Variants in IL19 observed in about 807,000 individuals in gnomAD.
IL19 encodes interleukin 19, also known as interleukin-19.
Under a neutral mutation model 19.5 loss-of-function variants are expected in IL19, and 15 were observed. That is an observed-to-expected ratio of 0.77 (90% confidence interval 0.52 to 1.19). The LOEUF (loss-of-function observed/expected upper bound fraction) is 1.19. Among genes scored for constraint, IL19 ranks in the 50% most tolerant of loss-of-function variants. IL19 has a pLI of 0.00. For synonymous variants in IL19, 78 were observed against 78.3 expected, an observed-to-expected ratio of 1.00 and a Z score of 0.02; for missense variants, 199 against 213.1, an observed-to-expected ratio of 0.93 and a Z score of 0.41.
intron 1 of IL19, 84 bp from the exon 2 acceptor site, chr1:206,798,777 A>C (rs945010764): frequency 1.5e-6 from 1 of 675,520 alleles, no homozygotes. Context: ...CCGTGTGTGC[A>C]CTTTTGCCGA....
chr1:206,795,149 T>C (rs1675493804), intron 1 of IL19, among the ~76,000 whole-genome samples: 1 of 152,108 alleles, frequency 6.6e-6, no homozygotes, highest in Non-Finnish European at 1.5e-5. Flanking sequence ...AGCTGGAGAA[T>C]TGGGAAGTAC....
intron 1 of IL19, among the ~76,000 whole-genome samples, chr1:206,780,972 G>A (rs764213598): frequency 6.6e-6 from 1 of 152,210 alleles, no homozygotes; most frequent in Non-Finnish European, 1.5e-5. Flanking sequence ...GAATGATAGT[G>A]AGGGTGGCTT....
intron 2 of IL19, among the ~76,000 whole-genome samples, chr1:206,814,944 T>G (rs1407654843): frequency 1.3e-5 from 2 of 152,178 alleles, no homozygotes; most frequent in African/African-American, 4.8e-5. Flanking sequence ...TCTGAAACCT[T>G]AGAGACCTAA....
chr1:206,842,568 C>G lies in IL19; in HGVS notation c.480C>G (p.Leu160=). The part of the protein sequence containing the change: ...HAAAIKSLGE[L]DVFLAWINKN... ...CTGCCATTAAATCCCTGGGAGAGCTCGACGTCTTTCTAGCCTGGATTAATA... is the reference window on the plus strand; with the variant it reads ...CTGCCATTAAATCCCTGGGAGAGCTGGACGTCTTTCTAGCCTGGATTAATA... Residue 160 remains leucine, a synonymous_variant, in exon 7 of 7, where the codon CTC becomes CTG. Coordinates refer to ENST00000659997, the MANE Select transcript of IL19 (RefSeq NM_153758.5). The G allele has an allele frequency of 1.3e-6, 2 of 1,576,952 alleles. No homozygotes were observed. Among genetic ancestry groups the G allele is most frequent in the Non-Finnish European group, 1.7e-6 (2 of 1,159,260 alleles).
At chr1:206,811,047 C>A (rs1675993992) in intron 2 of IL19, among the ~76,000 whole-genome samples, 1 of 152,192 alleles carries the variant, frequency 6.6e-6, no homozygotes, top group Non-Finnish European at 1.5e-5. Flanking sequence ...CCAAAATAAA[C>A]CTCTTTTCTT....
At chr1:206,809,093 T>G (rs1329310160) in intron 2 of IL19, among the ~76,000 whole-genome samples, 1 of 152,174 alleles carries the variant, frequency 6.6e-6, no homozygotes, top group African/African-American at 2.4e-5. Context: ...GATCATGATG[T>G]CCCTCAAAGC....
chr1:206,793,156 C>T lies in IL19; in HGVS notation c.-148-5705C>T, dbSNP rs566766700. Among the ~76,000 whole-genome samples the T allele has an allele frequency of 5.9e-5, 9 of 152,358 alleles. No individual in the cohort carries two copies. In the South Asian group the frequency reaches 1.9e-3, roughly 32 times the overall value. ...AATCCTCAGGGTTGGTCAGCCCCAT[C>T]CTCAGAGGTTTATACCTGGAGCTAA... On this transcript the variant is annotated intron_variant, in intron 1 of 6. Coordinates refer to ENST00000659997, the MANE Select transcript of IL19 (RefSeq NM_153758.5).
intron 1 of IL19, among the ~76,000 whole-genome samples, chr1:206,787,146 C>T (rs536287829): frequency 9.9e-5 from 15 of 152,194 alleles, no homozygotes; most frequent in Non-Finnish European, 1.3e-4. Flanking sequence ...TGCTCTCCCA[C>T]GTCCTTACTT....
intron 2 of IL19, among the ~76,000 whole-genome samples, chr1:206,824,634 C>T (rs1166638992): frequency 6.6e-6 from 1 of 152,106 alleles, no homozygotes; most frequent in Admixed American, 6.5e-5. Flanking sequence ...GATCACAGAG[C>T]TAGTAAGAGT....
intron 1 of IL19, among the ~76,000 whole-genome samples, chr1:206,796,941 A>G (rs1242261689): frequency 1.3e-5 from 2 of 152,146 alleles, no homozygotes; most frequent in African/African-American, 4.8e-5. Context: ...CCAGCCCAGG[A>G]CTACAGACTC....
intron 1 of IL19, among the ~76,000 whole-genome samples, chr1:206,792,701 C>T (rs142087617): frequency 2.0e-3 from 306 of 152,216 alleles, no homozygotes; most frequent in African/African-American, 7.0e-3. Flanking sequence ...ATGATCCACC[C>T]GCCTCAGCCT....
intron 6 of IL19, among the ~76,000 whole-genome samples, chr1:206,841,331 T>C (rs1677011359): frequency 6.6e-6 from 1 of 152,220 alleles, no homozygotes; most frequent in African/African-American, 2.4e-5. Context: ...CCTGTATGAT[T>C]TGGGGAAAGC....
intron 1 of IL19, among the ~76,000 whole-genome samples, chr1:206,774,090 T>C (rs1572541189): frequency 6.6e-6 from 1 of 152,174 alleles, no homozygotes; most frequent in African/African-American, 2.4e-5. Context: ...CTAGAGAAGG[T>C]CACTCACTGC....
In IL19 at chr1:206,789,795, T is replaced by C. The variant is rs1675350567; in HGVS notation, c.-148-9066T>C. On this transcript the variant is annotated intron_variant, in intron 1 of 6. Transcript: ENST00000659997. ...CTATGTGTCCATGTGTTCTCATCAATGAGCTCCGACTTACAAGTGAGAACA... is the reference window on the plus strand; with the variant it reads ...CTATGTGTCCATGTGTTCTCATCAACGAGCTCCGACTTACAAGTGAGAACA... Among the ~76,000 whole-genome samples the C allele has an allele frequency of 3.3e-5, 5 of 152,334 alleles. No homozygotes were observed. The South Asian group carries it at 1.0e-3, about 32-fold the overall frequency.
chr1:206,772,244 G>A (rs1674872969), intron 1 of IL19: 1 of 1,606,788 alleles, frequency 6.2e-7, no homozygotes, highest in Non-Finnish European at 8.5e-7. Flanking sequence ...CAGGAAGAGA[G>A]AAAGGACAGG....
At chr1:206,794,685 C>A (rs1314049328) in intron 1 of IL19, among the ~76,000 whole-genome samples, 1 of 152,100 alleles carries the variant, frequency 6.6e-6, no homozygotes, top group South Asian at 2.1e-4. Context: ...TTAGAAGAGA[C>A]CTGCGAGGTG....
At chr1:206,834,379 G>T (rs759985297) in intron 2 of IL19, 22 of 985,542 alleles carry the variant, frequency 2.2e-5, no homozygotes, top group Non-Finnish European at 2.7e-5. Flanking sequence ...ACAAGGAGCA[G>T]CCCGCAAGCA....
intron 1 of IL19, among the ~76,000 whole-genome samples, chr1:206,775,342 G>A (rs756760586): frequency 2.0e-5 from 3 of 152,158 alleles, no homozygotes; most frequent in Non-Finnish European, 2.9e-5. Flanking sequence ...ATGAGCCACT[G>A]TGCCCGGCCC....
rs113143150 is a variant in IL19 at position 206,784,252 on chromosome 1, A to G, written c.-149+13174A>G. Among the ~76,000 whole-genome samples the G allele has an allele frequency of 6.7e-3, 1,015 of 152,198 alleles. 8 individuals are homozygous for G. Among genetic ancestry groups the G allele is most frequent in the African/African-American group, 0.023 (975 of 41,504 alleles). On this transcript the variant is annotated intron_variant, in intron 1 of 6. Transcript: ENST00000659997. ...AAGGGCTTGCCAGAGTTGTTTTTCT[A>G]AGAAGATTTCCAAAGCTAATGCCCT... is the stretch of plus-strand genomic sequence containing the variant.
Sources: gnomAD v4.1 joint callset for allele counts (sites outside exome capture counted in the v4.1 genomes callset) on GRCh38, gnomAD v4.1.1 for gene constraint, MANE v1.5 for transcripts, NCBI Gene and HGNC (gene_info 2026-07-23, HGNC 2026-07-21) for gene names.